Variants in RFX4 observed in about 807,000 individuals in gnomAD.
RFX4 encodes the protein regulatory factor X4.
A neutral mutation model predicts 95.0 loss-of-function variants in RFX4; 10 were observed. The observed-to-expected ratio is 0.11, with a 90% confidence interval of 0.06 to 0.18. The LOEUF is 0.18. Among genes scored for constraint, RFX4 ranks in the 10% least tolerant of loss-of-function variants. The probability of loss-of-function intolerance (pLI) is 1.00; values close to 1 mark genes in which losing one functional copy is unlikely to be tolerated. For synonymous variants in RFX4, 321 were observed against 340.7 expected (o/e 0.94, Z 0.64); for missense variants, 640 against 922.0 (o/e 0.69, Z 3.96).
At chr12:106,588,269 C>A (rs1391429837) in intron 1 of RFX4, among the ~76,000 whole-genome samples, 1 of 152,216 alleles carries the variant, frequency 6.6e-6, no homozygotes, top group Non-Finnish European at 1.5e-5. Flanking sequence ...TTGCCACCTG[C>A]AGTGCATTCC....
At chr12:106,757,265 G>A (rs914752670) in intron 17 of RFX4, among the ~76,000 whole-genome samples, 8 of 152,160 alleles carry the variant, frequency 5.3e-5, no homozygotes, top group Non-Finnish European at 1.2e-4. Flanking sequence ...AGGGATGGTG[G>A]CTCACACTTG....
At chr12:106,722,249 CA>C (rs1252119387) in intron 13 of RFX4, among the ~76,000 whole-genome samples, 1 of 152,214 alleles carries the variant, frequency 6.6e-6, no homozygotes, top group Non-Finnish European at 1.5e-5. Context: ...TCATTGCTTC[CA>C]AGTCAGAGAA....
intron 2 of RFX4, among the ~76,000 whole-genome samples, chr12:106,613,546 T>C (rs923744960): frequency 1.3e-5 from 2 of 151,946 alleles, no homozygotes; most frequent in African/African-American, 4.8e-5. Context: ...GTATTTTTAG[T>C]TGAGATGGGG....
chr12:106,614,700 G>A (rs778502092), intron 2 of RFX4, among the ~76,000 whole-genome samples: 1 of 150,506 alleles, frequency 6.6e-6, no homozygotes, highest in African/African-American at 2.4e-5. Flanking sequence ...TAGTAGAGAC[G>A]GGGTTTCACT....
intron 1 of RFX4, among the ~76,000 whole-genome samples, chr12:106,585,313 G>C (rs1316704770): frequency 1.3e-5 from 2 of 152,102 alleles, no homozygotes; most frequent in Non-Finnish European, 2.9e-5. Context: ...GGGGGCACCG[G>C]GTCCTCTTCA....
chr12:106,654,397 TA>T, intron 4 of RFX4, 46 bp downstream of exon 4: 8 of 1,580,008 alleles, frequency 5.1e-6, no homozygotes, highest in Non-Finnish European at 6.9e-6. Flanking sequence ...ACCCCAACTT[TA>T]AGTAATTTAT....
chr12:106,709,450 C>T lies in RFX4; in HGVS notation c.934+20C>T, dbSNP rs752030624. 7.0e-5 allele frequency: 110 copies of T among 1,575,328 alleles called. 2 individuals carry two copies. Among genetic ancestry groups the T allele is most frequent in the South Asian group, 6.4e-4 (56 of 87,204 alleles). ...TCGAATGTAAGTACTGAGTTGAGAGCGGGATGGAAGAGAGAATTACATTTT... is the reference window on the plus strand; with the variant it reads ...TCGAATGTAAGTACTGAGTTGAGAGTGGGATGGAAGAGAGAATTACATTTT... On this transcript the variant is annotated intron_variant, in intron 9 of 17. Transcript: ENST00000392842.
intron 8 of RFX4, among the ~76,000 whole-genome samples, chr12:106,708,343 GTT>G (rs796270806): frequency 6.9e-6 from 1 of 145,926 alleles, no homozygotes. Flanking sequence ...GTGTGTGTAT[GTT>G]TTTTTTTTTT....
intron 6 of RFX4, 96 bp from the exon 7 acceptor site, chr12:106,689,191 A>G: frequency 9.7e-7 from 1 of 1,029,220 alleles, no homozygotes; most frequent in South Asian, 1.3e-5. Context: ...CATCCCCCCC[A>G]CAGGGAAGAA....
At chr12:106,640,023 A>C (rs2040587853) in intron 3 of RFX4, among the ~76,000 whole-genome samples, 1 of 152,244 alleles carries the variant, frequency 6.6e-6, no homozygotes. Context: ...CTAGCAGTGC[A>C]GCCGAGCAAT....
At chr12:106,736,680 T>C (rs141396383) in intron 15 of RFX4, among the ~76,000 whole-genome samples, 2 of 152,260 alleles carry the variant, frequency 1.3e-5, no homozygotes, top group East Asian at 3.9e-4. Flanking sequence ...GGGAACAGCT[T>C]TGGGGGCAAC....
At position 106,732,268 on chromosome 12, in the gene RFX4, G is replaced by C; in HGVS notation, c.1471+19G>C. On this transcript the variant is annotated intron_variant, in intron 14 of 17. Transcript: ENST00000392842. ...AGCACTGGTAAGCCAGCATTTTCCT[G>C]GGAATTGCACCACTTGGTAATGTTA... is the stretch of plus-strand genomic sequence containing the variant. 1.9e-6 allele frequency: 3 copies of C among 1,613,176 alleles called. No individual in the cohort carries two copies. The highest frequency in any genetic ancestry group is 2.5e-6 in the Non-Finnish European group (3 of 1,179,518).
intron 16 of RFX4, 129 bp from the exon 17 acceptor site, chr12:106,750,526 A>G: frequency 1.1e-6 from 1 of 876,552 alleles, no homozygotes; most frequent in Non-Finnish European, 1.6e-6. Flanking sequence ...ATTGGGGGTG[A>G]AGGGGGGAAG....
chr12:106,641,967 C>CTATCTATATCTA (rs57799769), intron 3 of RFX4, among the ~76,000 whole-genome samples: 12,299 of 134,892 alleles, frequency 0.091, 712 homozygotes, highest in Middle Eastern at 0.13. Context: ...ATATCTATAT[C>CTATCTATATCTA]TATCTATATC....
intron 1 of RFX4, chr12:106,601,109 C>A: frequency 7.1e-7 from 1 of 1,411,968 alleles, no homozygotes; most frequent in Non-Finnish European, 9.3e-7. Flanking sequence ...TCCTGGAACC[C>A]AGCAGCCCCT....
At position 106,709,423 on chromosome 12, in the gene RFX4, G is replaced by A. The variant is rs1015222068; in HGVS notation, c.927G>A (p.Lys309=). 1 of 1,611,864 alleles carries A rather than the reference G, an allele frequency of 6.2e-7. No homozygotes were observed. The highest frequency in any genetic ancestry group is 1.3e-5 in the African/African-American group (1 of 74,876). Residue 309 remains lysine, a synonymous_variant, in exon 9 of 18, where the codon AAG becomes AAA. Transcript: ENST00000392842. ...TCCCAGAAAACTTGCGAAACATCAA[G>A]TTCGAATGTAAGTACTGAGTTGAGA... is the stretch of plus-strand genomic sequence containing the variant. ...HDLPENLRNI[K]FELSRRFSQI...
chr12:106,624,607 G>A (rs1420728193), intron 2 of RFX4, among the ~76,000 whole-genome samples: 2 of 152,104 alleles, frequency 1.3e-5, no homozygotes, highest in African/African-American at 2.4e-5. Flanking sequence ...GATTACAGGC[G>A]TGAGCCACCT....
intron 8 of RFX4, among the ~76,000 whole-genome samples, chr12:106,698,261 C>T (rs2041919565): frequency 6.6e-6 from 1 of 151,678 alleles, no homozygotes. Context: ...GACGTGAGCC[C>T]CCTACACCTG....
chr12:106,648,007 A>G (rs957652190), intron 3 of RFX4, among the ~76,000 whole-genome samples: 1 of 152,208 alleles, frequency 6.6e-6, no homozygotes, highest in African/African-American at 2.4e-5. Flanking sequence ...ATGAGGAACC[A>G]TGGCCATCCC....
Sources: allele counts gnomAD v4.1 joint callset (sites outside exome capture counted in the v4.1 genomes callset), GRCh38; gene constraint gnomAD v4.1.1; transcripts MANE v1.5; gene names NCBI Gene and HGNC (gene_info 2026-07-23, HGNC 2026-07-21).